PTPRE: variants seen among roughly 807,000 people sequenced by gnomAD.
PTPRE encodes protein tyrosine phosphatase receptor type E, also known as receptor-type tyrosine-protein phosphatase epsilon.
PTPRE carries 51 observed loss-of-function variants against 102.0 expected under a neutral mutation model. The observed-to-expected ratio is 0.50, with a 90% CI of 0.40 to 0.63. The LOEUF is 0.63. Ranked by LOEUF, PTPRE falls within the 30% of genes least tolerant of loss-of-function variation. The probability of loss-of-function intolerance (pLI) is 0.00; values close to 1 mark genes in which losing one functional copy is unlikely to be tolerated. For synonymous variants in PTPRE, 345 were observed against 348.2 expected (o/e 0.99, Z 0.10); for missense variants, 752 against 915.1 (o/e 0.82, Z 2.30).
intron 1 of PTPRE, among the ~76,000 whole-genome samples, chr10:127,975,545 A>G (rs1470250063): frequency 6.6e-6 from 1 of 152,168 alleles, no homozygotes; most frequent in Non-Finnish European, 1.5e-5. Context: ...CTTCACACAC[A>G]TGCTTAGCCT....
At chr10:127,924,678 A>C (rs1846878139) in intron 1 of PTPRE, among the ~76,000 whole-genome samples, 1 of 152,250 alleles carries the variant, frequency 6.6e-6, no homozygotes, top group Admixed American at 6.5e-5. Context: ...AAAAACTTAC[A>C]AGATTAACTG....
chr10:128,038,038 T>A (rs1590095515), intron 2 of PTPRE, among the ~76,000 whole-genome samples: 2 of 150,764 alleles, frequency 1.3e-5, no homozygotes, highest in East Asian at 3.9e-4. Context: ...CCTGAACTTA[T>A]GATCCACCCG....
rs1351450167 is a variant in PTPRE at position 128,061,049 on chromosome 10, C to T, written c.588+34C>T. ...GCAGAGGTTTCTTGTTCCCCTGGCC[C>T]AGCTGGGGCATGAGCAGTAAGCACT... On this transcript the variant is annotated intron_variant, in intron 8 of 20. Transcript: ENST00000254667. The T allele has an allele frequency of 1.9e-6, 3 of 1,587,854 alleles. No individual in the cohort carries two copies. The African/African-American group carries it at 4.0e-5, about 21-fold the overall frequency.
chr10:128,041,149 A>G (rs1847658739), intron 3 of PTPRE, among the ~76,000 whole-genome samples, 159 bp downstream of exon 3: 1 of 152,220 alleles, frequency 6.6e-6, no homozygotes, highest in Non-Finnish European at 1.5e-5. Flanking sequence ...CAGGCAGGCT[A>G]AATAAGCTAG....
intron 1 of PTPRE, among the ~76,000 whole-genome samples, chr10:127,970,302 C>G (rs977268322): frequency 6.6e-6 from 1 of 152,156 alleles, no homozygotes; most frequent in African/African-American, 2.4e-5. Context: ...GCTAGCCAAT[C>G]CAATGGAAGG....
chr10:127,978,670 C>G (rs1349916295), intron 1 of PTPRE, among the ~76,000 whole-genome samples: 1 of 152,188 alleles, frequency 6.6e-6, no homozygotes, highest in African/African-American at 2.4e-5. Context: ...GCCCTGTCTC[C>G]TCGCTCTGTG....
At chr10:128,050,330 C>CGGAT (rs562305572) in intron 6 of PTPRE, among the ~76,000 whole-genome samples, 18,072 of 93,980 alleles carry the variant, frequency 0.19, 1,668 homozygotes, top group Middle Eastern at 0.24. Flanking sequence ...AGTGGGAGGG[C>CGGAT]GGATGGATGG....
intron 5 of PTPRE, 152 bp from the exon 6 acceptor site, chr10:128,049,378 G>A (rs780138034): frequency 9.6e-6 from 9 of 939,636 alleles, no homozygotes; most frequent in African/African-American, 1.7e-5. Context: ...ACAGCTGCTC[G>A]GGACCCGGCT....
intron 1 of PTPRE, among the ~76,000 whole-genome samples, chr10:127,938,515 C>T (rs1847991567): frequency 6.6e-6 from 1 of 151,894 alleles, no homozygotes; most frequent in Non-Finnish European, 1.5e-5. Context: ...GTGGGAGGAT[C>T]GCTTGAGCCT....
chr10:127,907,170 A>C lies in PTPRE; in HGVS notation c.-170A>C. The C allele has an allele frequency of 1.3e-6, 1 of 770,080 alleles. No homozygotes were observed. The highest frequency in any genetic ancestry group is 1.6e-6 in the Non-Finnish European group (1 of 634,314). 47.7% of individuals were successfully genotyped at this position (770,080 alleles called of 1,614,324 possible). A position where few individuals can be genotyped will look rare whatever the true frequency, so the allele number is the denominator to read the frequency against. On this transcript the variant is annotated 5_prime_UTR_variant, in exon 1 of 21. Coordinates refer to ENST00000254667, the MANE Select transcript of PTPRE (RefSeq NM_006504.6). The surrounding 1 kb of genome is among the most constrained non-coding windows in gnomAD (Gnocchi z 4.8). Reference sequence around the variant, plus strand: ...CCGGCGCGAGCGGCTTCAGGAACCCACGGCCTCTGCGCGTCCCCGCGACCC... The same window carrying C: ...CCGGCGCGAGCGGCTTCAGGAACCCCCGGCCTCTGCGCGTCCCCGCGACCC...
At chr10:127,965,202 A>T (rs1301448337) in intron 1 of PTPRE, among the ~76,000 whole-genome samples, 1 of 152,214 alleles carries the variant, frequency 6.6e-6, no homozygotes, top group East Asian at 1.9e-4. Flanking sequence ...CAGGAAATAG[A>T]TGCTGACTCC....
intron 2 of PTPRE, among the ~76,000 whole-genome samples, chr10:128,014,103 G>A (rs115022229): frequency 0.011 from 1,611 of 152,178 alleles, 35 homozygotes; most frequent in African/African-American, 0.037. Flanking sequence ...CTGATCCTCC[G>A]TCCCAGACTG....
intron 1 of PTPRE, among the ~76,000 whole-genome samples, chr10:127,929,207 G>A (rs1393475364): frequency 2.0e-5 from 3 of 152,072 alleles, no homozygotes; most frequent in East Asian, 1.9e-4. Context: ...CATTCACAGC[G>A]GCTTATGTAA....
At chr10:127,947,926 G>A (rs1848741502) in intron 1 of PTPRE, among the ~76,000 whole-genome samples, 1 of 152,202 alleles carries the variant, frequency 6.6e-6, no homozygotes, top group Admixed American at 6.5e-5. Context: ...TAGAGGGGTT[G>A]AGCCAACCCC....
intron 1 of PTPRE, among the ~76,000 whole-genome samples, chr10:127,914,399 T>C (rs983357584): frequency 5.3e-5 from 8 of 152,204 alleles, no homozygotes; most frequent in Non-Finnish European, 8.8e-5. Context: ...GTGGCCTGTT[T>C]TTCTGACACT....
intron 2 of PTPRE, among the ~76,000 whole-genome samples, chr10:127,995,845 ACACACACACACG>A (rs1174657812): frequency 6.7e-6 from 1 of 149,126 alleles, no homozygotes; most frequent in Admixed American, 6.6e-5. Context: ...ACACACACAC[ACACACACACACG>A]CACGCAAAGT....
intron 6 of PTPRE, among the ~76,000 whole-genome samples, chr10:128,050,618 T>C (rs1406786401): frequency 2.0e-5 from 3 of 152,228 alleles, no homozygotes; most frequent in African/African-American, 7.2e-5. Context: ...CTGTGCTAAG[T>C]GTTGATCTTA....
At chr10:127,938,823 A>G (rs1848015815) in intron 1 of PTPRE, among the ~76,000 whole-genome samples, 1 of 152,160 alleles carries the variant, frequency 6.6e-6, no homozygotes, top group South Asian at 2.1e-4. Context: ...GCCAGCAGGC[A>G]ATATCTTCAT....
In PTPRE at chr10:127,944,438, G is replaced by A. The variant is rs1848469596; in HGVS notation, c.-31+37129G>A. On this transcript the variant is annotated intron_variant, in intron 1 of 20. Coordinates refer to ENST00000254667, the MANE Select transcript of PTPRE (RefSeq NM_006504.6). This position sits in a 1 kb window ranked among gnomAD's most constrained non-coding sequence, Gnocchi z 4.2. Reference sequence around the variant, plus strand: ...TGCATGCATGGATAAGTGGATGGATGGATGGACAGATGGATGGATACATGG... The same window carrying A: ...TGCATGCATGGATAAGTGGATGGATAGATGGACAGATGGATGGATACATGG... Among the ~76,000 whole-genome samples, 1 of 149,834 alleles carries A rather than the reference G, an allele frequency of 6.7e-6. No homozygotes were observed. The highest frequency in any genetic ancestry group is 2.5e-5 in the African/African-American group (1 of 40,526).
Sources: allele counts gnomAD v4.1 joint callset (sites outside exome capture counted in the v4.1 genomes callset), GRCh38; gene constraint gnomAD v4.1.1; non-coding constraint Gnocchi (gnomAD v3.1); transcripts MANE v1.5; gene names NCBI Gene and HGNC (gene_info 2026-07-23, HGNC 2026-07-21).